The following NMUR2 variants were observed in gnomAD, a reference collection of about 807,000 sequenced individuals.
NMUR2 encodes the protein neuromedin U receptor 2, also known as neuromedin-U receptor 2.
A neutral mutation model predicts 25.1 loss-of-function variants in NMUR2; 24 were observed. The observed-to-expected ratio is 0.96, with a 90% CI of 0.69 to 1.34. The LOEUF (loss-of-function observed/expected upper bound fraction) is 1.34, where lower values mean the gene tolerates loss of function less well. NMUR2 is among the 40% of genes most tolerant of loss of function. The probability of loss-of-function intolerance (pLI) is 0.00; values close to 1 mark genes in which losing one functional copy is unlikely to be tolerated. For synonymous variants in NMUR2, 218 were observed against 208.1 expected, an observed-to-expected ratio of 1.05 and a Z score of -0.41; for missense variants, 533 against 512.8, an observed-to-expected ratio of 1.04 and a Z score of -0.38.
chr5:152,400,849 TA>T (rs1232628580), intron 1 of NMUR2, among the ~76,000 whole-genome samples: 1 of 152,208 alleles, frequency 6.6e-6, no homozygotes, highest in Non-Finnish European at 1.5e-5. Context: ...GAACAATTTT[TA>T]AAAAAATCAA....
chr5:152,397,240 C>T (rs539209057), intron 2 of NMUR2, among the ~76,000 whole-genome samples: 1 of 151,976 alleles, frequency 6.6e-6, no homozygotes, highest in Admixed American at 6.6e-5. Context: ...TGCATATTAG[C>T]CTGGAGGATT....
At chr5:152,398,325 T>C (rs1753197869) in intron 1 of NMUR2, among the ~76,000 whole-genome samples, 181 bp from the exon 2 acceptor site, 1 of 152,222 alleles carries the variant, frequency 6.6e-6, no homozygotes, top group Non-Finnish European at 1.5e-5. Flanking sequence ...TCAGGTCATC[T>C]ACTCAACTGG....
chr5:152,393,939 T>C (rs760730098), intron 3 of NMUR2, among the ~76,000 whole-genome samples: 105 of 152,224 alleles, frequency 6.9e-4, no homozygotes, highest in African/African-American at 2.4e-3. Flanking sequence ...GATAAGTATA[T>C]GGTCTATGAA....
In NMUR2 at chr5:152,395,586, T is replaced by A. The variant is rs1451741540; in HGVS notation, c.812-2A>T. 4.3e-6 allele frequency: 7 copies of A among 1,612,848 alleles called. No homozygotes were observed. The highest frequency in any genetic ancestry group is 4.2e-6 in the Non-Finnish European group (5 of 1,179,488). ...TAGCAAACACTAAGACCAAGACAAC[T>A]GAAAATGGATGATAAATGGGAGACC... On this transcript the variant is annotated splice_acceptor_variant, in intron 2 of 3. Transcript: ENST00000255262. LOFTEE classifies it high-confidence loss of function.
intron 1 of NMUR2, among the ~76,000 whole-genome samples, chr5:152,403,565 T>A (rs537687928): frequency 6.6e-6 from 1 of 151,958 alleles, no homozygotes; most frequent in South Asian, 2.1e-4. Context: ...ATAAGTGATA[T>A]CTTTTTCTTA....
Position 152,404,744 on chromosome 5 carries a change from C to A in NMUR2, c.370G>T (p.Ala124Ser), listed in dbSNP as rs1753324537. ...GCGAAGCACACGGTCTCAAAGAGGG[C>A]CGTCTTGAAGTAGCAGCCCACGGGC... is the stretch of plus-strand genomic sequence containing the variant. Reference protein sequence around the residue: ...FGPVGCYFKTALFETVCFASI... With the variant: ...FGPVGCYFKTSLFETVCFASI... Residue 124 changes from alanine to serine, a missense_variant, in exon 1 of 4, where the codon GCC becomes TCC. Coordinates refer to ENST00000255262, the MANE Select transcript of NMUR2 (RefSeq NM_020167.5). 6.2e-7 allele frequency: 1 copy of A among 1,614,114 alleles called. No homozygotes were observed. Among genetic ancestry groups the A allele is most frequent in the Non-Finnish European group, 8.5e-7 (1 of 1,180,032 alleles).
chr5:152,393,184 T>A lies in NMUR2; in HGVS notation c.938-683A>T, dbSNP rs542187571. Among the ~76,000 whole-genome samples the A allele has an allele frequency of 8.5e-5, 13 of 152,304 alleles. No homozygotes were observed. In the South Asian group the frequency reaches 2.7e-3, roughly 32 times the overall value. On this transcript the variant is annotated intron_variant, in intron 3 of 3. Coordinates refer to ENST00000255262, the MANE Select transcript of NMUR2 (RefSeq NM_020167.5). ...CAAGTTTGGGAATCAGAGGACCTAG[T>A]TTCTGATCTTGGCCCTCTAATATCC...
chr5:152,405,180 A>G lies in NMUR2; in HGVS notation c.-67T>C, dbSNP rs180977219. On this transcript the variant is annotated 5_prime_UTR_variant, in exon 1 of 4. Coordinates refer to ENST00000255262, the MANE Select transcript of NMUR2 (RefSeq NM_020167.5). The stretch of plus-strand genomic sequence containing the variant: ...TTCAAGCTGAGCCAGGAAAAAAAAA[A>G]AAAAAAGAAAAAAGGAAAACAAAAA... The G allele has an allele frequency of 1.4e-4, 214 of 1,494,954 alleles. 1 individual carries two copies. In the East Asian group the frequency reaches 1.7e-3, roughly 12 times the overall value. 92.6% of individuals were successfully genotyped at this position (1,494,954 alleles called of 1,614,324 possible).
intron 1 of NMUR2, among the ~76,000 whole-genome samples, chr5:152,399,991 T>A (rs962095884): frequency 3.3e-5 from 5 of 152,210 alleles, no homozygotes; most frequent in Non-Finnish European, 7.4e-5. Context: ...CTGGGCTGGA[T>A]AGCATTTTGA....
At position 152,392,821 on chromosome 5, in the gene NMUR2, G is replaced by A. The variant is rs1290126367; in HGVS notation, c.938-320C>T. Among the ~76,000 whole-genome samples, 4 of 152,152 alleles carry A rather than the reference G, an allele frequency of 2.6e-5. No individual in the cohort carries two copies. In the East Asian group the frequency reaches 5.8e-4, roughly 22 times the overall value. ...TGTTTCTATAACATGACTGAAAGATGCTTAAATATCAGAGGGAAGAGAAAC... is the reference window on the plus strand; with the variant it reads ...TGTTTCTATAACATGACTGAAAGATACTTAAATATCAGAGGGAAGAGAAAC... On this transcript the variant is annotated intron_variant, in intron 3 of 3. Coordinates refer to ENST00000255262, the MANE Select transcript of NMUR2 (RefSeq NM_020167.5).
Position 152,398,103 on chromosome 5 carries a change from T to C in NMUR2, c.768A>G (p.Ala256=). 6.2e-7 allele frequency: 1 copy of C among 1,613,552 alleles called. No individual in the cohort carries two copies. Among genetic ancestry groups the C allele is most frequent in the Non-Finnish European group, 8.5e-7 (1 of 1,179,658 alleles). The change falls in exon 2 of 4, where the codon GCA becomes GCG. Residue 256 remains alanine (A), a synonymous_variant. Coordinates refer to ENST00000255262, the MANE Select transcript of NMUR2 (RefSeq NM_020167.5). The stretch of plus-strand genomic sequence containing the variant: ...ATTTTCTGCAGGGTCTTTGAATATT[T>C]GCATTCCCTTCATCTGCCTCAAGAG... ...DKSLEADEGN[A]NIQRPCRKSV...
At position 152,405,068 on chromosome 5, in the gene NMUR2, G is replaced by A. The variant is rs200461675; in HGVS notation, c.46C>T (p.Gln16Ter). 6.2e-7 allele frequency: 1 copy of A among 1,613,460 alleles called. No homozygotes were observed. The highest frequency in any genetic ancestry group is 8.5e-7 in the Non-Finnish European group (1 of 1,179,844). ...TTCTGGAATGGATCTTCTAGTTTCTGCTGGTAGATCCAGGAAGCATTCTGA... is the reference window on the plus strand; with the variant it reads ...TTCTGGAATGGATCTTCTAGTTTCTACTGGTAGATCCAGGAAGCATTCTGA... The part of the protein sequence containing the change: ...KLQNASWIYQ[Q>*]KLEDPFQKHL... The change falls in exon 1 of 4, where the codon CAG becomes TAG. Residue 16 changes from glutamine (Q) to a stop codon, truncating the protein, a stop_gained. Coordinates refer to ENST00000255262, the MANE Select transcript of NMUR2 (RefSeq NM_020167.5). LOFTEE classifies it high-confidence loss of function.
chr5:152,392,985 C>A lies in NMUR2; in HGVS notation c.938-484G>T, dbSNP rs747653855. ...ACGGCTTCAAAGAAATATTCCCTAG[C>A]GTGCTGTTCCTACCTACCCTTTTCC... On this transcript the variant is annotated intron_variant, in intron 3 of 3. Transcript: ENST00000255262. Among the ~76,000 whole-genome samples the A allele has an allele frequency of 3.2e-4, 48 of 152,280 alleles. 1 individual carries two copies. In the Middle Eastern group the frequency reaches 0.044, roughly 140 times the overall value.
rs557632118 is a variant in NMUR2 at position 152,392,164 on chromosome 5, A to G, written c.*27T>C. 2 of 1,580,128 alleles carry G rather than the reference A, an allele frequency of 1.3e-6. No homozygotes were observed. The highest frequency in any genetic ancestry group is 3.4e-5 in the Admixed American group (2 of 58,572). On this transcript the variant is annotated 3_prime_UTR_variant, in exon 4 of 4. Transcript: ENST00000255262. ...ATGTTCCTCTCTGAAGTTTTGAGGC[A>G]TAGAGGAGAGTCAGCTCTGAAAGAA...
At position 152,391,978 on chromosome 5, in the gene NMUR2, T is replaced by TAGTGGAAAGATAACTA. The variant is rs1303210972; in HGVS notation, c.*197_*212dup. ...GTGAAGGGGCATGAGGCAGTTAGGATAGTGGAAAGATAACTAAAAATCAGG... is the reference window on the plus strand; with the variant it reads ...GTGAAGGGGCATGAGGCAGTTAGGATAGTGGAAAGATAACTAAGTGGAAAGATAACTAAAAATCAGG... On this transcript the variant is annotated 3_prime_UTR_variant, in exon 4 of 4. Coordinates refer to ENST00000255262, the MANE Select transcript of NMUR2 (RefSeq NM_020167.5). 2 of 511,370 alleles carry TAGTGGAAAGATAACTA rather than the reference T, an allele frequency of 3.9e-6. No individual in the cohort carries two copies. The highest frequency in any genetic ancestry group is 3.8e-5 in the African/African-American group (2 of 52,144). 31.7% of individuals were successfully genotyped at this position (511,370 alleles called of 1,614,324 possible).
rs905845722 is a variant in NMUR2 at position 152,392,555 on chromosome 5, A to G, written c.938-54T>C. The G allele has an allele frequency of 1.1e-5, 15 of 1,392,444 alleles. No homozygotes were observed. The South Asian group carries it at 1.9e-4, about 18-fold the overall frequency. The allele number at this position is 1,392,444 out of a possible 1,614,324, so 86.3% of individuals were successfully genotyped here. ...GCTGAGAAGAACTTAAGTGACCGGC[A>G]TGAAGGAAGAAGCATAAATATTTAC... On this transcript the variant is annotated intron_variant, in intron 3 of 3. Transcript: ENST00000255262.
At position 152,392,440 on chromosome 5, in the gene NMUR2, G is replaced by A; in HGVS notation, c.999C>T (p.Arg333=). 1 of 1,614,084 alleles carries A rather than the reference G, an allele frequency of 6.2e-7. No homozygotes were observed. The highest frequency in any genetic ancestry group is 1.1e-5 in the South Asian group (1 of 91,084). The change falls in exon 4 of 4, where the codon CGC becomes CGT. Residue 333 remains arginine (R), a synonymous_variant. Transcript: ENST00000255262. ...NPIIYNLLSR[R]FQAAFQNVIS... Reference sequence around the variant, plus strand: ...TCACATTCTGGAATGCTGCCTGGAAGCGGCGAGACAGTAGGTTATAGATAA... The same window carrying A: ...TCACATTCTGGAATGCTGCCTGGAAACGGCGAGACAGTAGGTTATAGATAA...
intron 1 of NMUR2, among the ~76,000 whole-genome samples, chr5:152,403,868 G>C (rs1283032137): frequency 1.3e-5 from 2 of 151,962 alleles, no homozygotes; most frequent in Admixed American, 1.3e-4. Flanking sequence ...ACCTATCTTG[G>C]ACTACAAAAT....
In NMUR2 at chr5:152,392,052, TA is replaced by T. The variant is rs57501761; in HGVS notation, c.*138del. On this transcript the variant is annotated 3_prime_UTR_variant, in exon 4 of 4. Transcript: ENST00000255262. ...TCTAACTCTCAGTTTTCACGTTTAT[TA>T]AAAAAAAAAAAACTAGCAATGGGTA... is the stretch of plus-strand genomic sequence containing the variant. 0.2 allele frequency: 118,307 copies of T among 591,546 alleles called. 3,036 individuals are homozygous for T. Among genetic ancestry groups the T allele is most frequent in the Admixed American group, 0.27 (7,606 of 28,058 alleles). The allele number at this position is 591,546 out of a possible 1,614,324, so 36.6% of individuals were successfully genotyped here.
Sources: allele counts gnomAD v4.1 joint callset (sites outside exome capture counted in the v4.1 genomes callset), GRCh38; gene constraint gnomAD v4.1.1; transcripts MANE v1.5; gene names NCBI Gene and HGNC (gene_info 2026-07-23, HGNC 2026-07-21).